The following ZC2HC1A variants were observed in gnomAD, a reference collection of about 807,000 sequenced individuals.
The protein encoded by ZC2HC1A is zinc finger C2HC-type containing 1A.
In ZC2HC1A, 28 loss-of-function variants were observed where a neutral mutation model predicts 40.7. That is an observed-to-expected ratio of 0.69 (90% CI 0.51 to 0.94). The LOEUF is 0.94. Among genes scored for constraint, ZC2HC1A ranks in the 40% least tolerant of loss-of-function variants. The pLI, the probability that ZC2HC1A is intolerant of heterozygous loss-of-function variation, is 0.00. For missense variants in ZC2HC1A, 389 were observed against 386.3 expected, an observed-to-expected ratio of 1.01 and a Z score of -0.06; for synonymous variants, 129 against 129.2, an observed-to-expected ratio of 1.00 and a Z score of 0.01.
Position 78,675,818 on chromosome 8 carries a change from G to T in ZC2HC1A, c.48G>T (p.Leu16Phe), listed in dbSNP as rs1194178239. 1 of 1,609,960 alleles carries T rather than the reference G, an allele frequency of 6.2e-7. No homozygotes were observed. The highest frequency in any genetic ancestry group is 1.1e-5 in the South Asian group (1 of 90,730). The change falls in exon 2 of 9, where the codon TTG becomes TTT. Residue 16 changes from leucine to phenylalanine, a missense_variant. Physicochemically the swap from Leu to Phe is conservative, Grantham distance 22 (BLOSUM62 0). Transcript: ENST00000263849. ...GAGGTGTTGTCCAAGTTGGAGAATT[G>T]TTACCTTGCAAGATTTGTGGAAGAA... is the stretch of plus-strand genomic sequence containing the variant. The part of the protein sequence containing the change: ...ENGGVVQVGE[L>F]LPCKICGRTF...
At chr8:78,681,977 G>A (rs1258228476) in intron 3 of ZC2HC1A, among the ~76,000 whole-genome samples, 1 of 150,234 alleles carries the variant, frequency 6.7e-6, no homozygotes, top group Non-Finnish European at 1.5e-5. Flanking sequence ...CCTGGCCTCA[G>A]GTGATTTCTG....
At chr8:78,684,456 C>T (rs1026902450) in intron 3 of ZC2HC1A, among the ~76,000 whole-genome samples, 20 of 152,140 alleles carry the variant, frequency 1.3e-4, no homozygotes, top group African/African-American at 3.9e-4. Flanking sequence ...CCCCGTGATT[C>T]AATTACCTCC....
chr8:78,713,773 T>C (rs2130610481), intron 7 of ZC2HC1A, among the ~76,000 whole-genome samples: 1 of 152,320 alleles, frequency 6.6e-6, no homozygotes, highest in Non-Finnish European at 1.5e-5. Context: ...ACAGCCCACT[T>C]AAGTTCAAGT....
chr8:78,686,658 A>T (rs1011980050), intron 4 of ZC2HC1A, 50 bp downstream of exon 4: 1 of 1,405,022 alleles, frequency 7.1e-7, no homozygotes, highest in African/African-American at 1.5e-5. Context: ...GAAAATAATG[A>T]TAGAGTTTTT....
At chr8:78,716,386 G>T (rs1439348888) in intron 8 of ZC2HC1A, among the ~76,000 whole-genome samples, 4 of 152,144 alleles carry the variant, frequency 2.6e-5, no homozygotes, top group Admixed American at 2.6e-4. Flanking sequence ...GCCTCCCAAA[G>T]TGCTGGGATT....
In ZC2HC1A at chr8:78,689,502, A is replaced by G. The variant is rs776100502; in HGVS notation, c.504+129A>G. The stretch of plus-strand genomic sequence containing the variant: ...TGCTTTTATAGATATATAGTTTTAT[A>G]TATCTATAAAAGTTGTATGCTTTTA... On this transcript the variant is annotated intron_variant, in intron 5 of 8. Transcript: ENST00000263849. 17 of 813,404 alleles carry G rather than the reference A, an allele frequency of 2.1e-5. No homozygotes were observed. In the South Asian group the frequency reaches 4.1e-4, roughly 19 times the overall value. 50.4% of individuals were successfully genotyped at this position (813,404 alleles called of 1,614,324 possible). A position where few individuals can be genotyped will look rare whatever the true frequency, so the allele number is the denominator to read the frequency against.
rs1304551479 is a variant in ZC2HC1A at position 78,718,953 on chromosome 8, CTTAGT to C, written c.*1468_*1472del. 1.3e-5 allele frequency: 2 copies of C among 151,536 alleles called. No homozygotes were observed. Among genetic ancestry groups the C allele is most frequent in the East Asian group, 3.9e-4 (2 of 5,168 alleles). The allele number at this position is 151,536 out of a possible 1,614,324, so 9.4% of individuals were successfully genotyped here. On this transcript the variant is annotated 3_prime_UTR_variant, in exon 9 of 9. Transcript: ENST00000263849. ...TTATAATTTATCTGAAATTTATTAG[CTTAGT>C]TTAGTTTGGGCAGGAGTTACAAACT...
chr8:78,691,040 T>A (rs1206423716), intron 5 of ZC2HC1A, among the ~76,000 whole-genome samples: 1 of 152,162 alleles, frequency 6.6e-6, no homozygotes, highest in Admixed American at 6.5e-5. Flanking sequence ...ACAGTTTTAT[T>A]TTCTTCCCTC....
rs1811180649 is a variant in ZC2HC1A, at chr8:78,718,807, C to A, written c.*1314C>A. On this transcript the variant is annotated 3_prime_UTR_variant, in exon 9 of 9. Coordinates refer to ENST00000263849, the MANE Select transcript of ZC2HC1A (RefSeq NM_016010.3). ...AATTCTGTAGTAATTTCTATTCAATCAAACCTAAGAGAGCTTTGATCTTAC... is the reference window on the plus strand; with the variant it reads ...AATTCTGTAGTAATTTCTATTCAATAAAACCTAAGAGAGCTTTGATCTTAC... 1 of 151,644 alleles carries A rather than the reference C, an allele frequency of 6.6e-6. No individual in the cohort carries two copies. The highest frequency in any genetic ancestry group is 1.5e-5 in the Non-Finnish European group (1 of 67,694). The allele number at this position is 151,644 out of a possible 1,614,324, so 9.4% of individuals were successfully genotyped here. A position where few individuals can be genotyped will look rare whatever the true frequency, so the allele number is the denominator to read the frequency against.
At chr8:78,674,240 T>A (rs1013860621) in intron 1 of ZC2HC1A, among the ~76,000 whole-genome samples, 1 of 152,202 alleles carries the variant, frequency 6.6e-6, no homozygotes, top group African/African-American at 2.4e-5. Context: ...CAATAGTTAA[T>A]TTTTATAAGA....
intron 3 of ZC2HC1A, among the ~76,000 whole-genome samples, chr8:78,684,065 C>G (rs994057551): frequency 7.2e-5 from 11 of 152,230 alleles, no homozygotes; most frequent in Admixed American, 7.2e-4. Context: ...CCAAACTTTC[C>G]CACATTTTTC....
At chr8:78,685,902 G>C (rs1435684499) in intron 3 of ZC2HC1A, 1 of 152,332 alleles carries the variant, frequency 6.6e-6, no homozygotes, top group African/African-American at 2.4e-5. Flanking sequence ...TCTGGAGGTT[G>C]GGAAGTCCAG....
chr8:78,671,395 T>G (rs1809434258), intron 1 of ZC2HC1A, among the ~76,000 whole-genome samples: 1 of 152,190 alleles, frequency 6.6e-6, no homozygotes, highest in African/African-American at 2.4e-5. Context: ...AGTGCTTATT[T>G]CAACAGTATT....
Position 78,698,133 on chromosome 8 carries a change from G to A in ZC2HC1A, c.605-281G>A, listed in dbSNP as rs553400726. Among the ~76,000 whole-genome samples, 8 of 152,182 alleles carry A rather than the reference G, an allele frequency of 5.3e-5. 1 individual carries two copies. In the South Asian group the frequency reaches 1.7e-3, roughly 32 times the overall value. ...AGCTCTTCATAGCTTTCTGAACTGG[G>A]CAATTGTTCGTAGTAGTCAAACACT... On this transcript the variant is annotated intron_variant, in intron 6 of 8. Transcript: ENST00000263849.
chr8:78,677,516 A>G (rs1440923318), intron 2 of ZC2HC1A, among the ~76,000 whole-genome samples: 1 of 152,178 alleles, frequency 6.6e-6, no homozygotes, highest in African/African-American at 2.4e-5. Flanking sequence ...TTAACTTTAT[A>G]TTAGCATATT....
intron 5 of ZC2HC1A, among the ~76,000 whole-genome samples, chr8:78,692,620 A>G (rs1256156529): frequency 1.3e-5 from 2 of 152,120 alleles, no homozygotes; most frequent in Non-Finnish European, 2.9e-5. Context: ...TCCAGGGTGT[A>G]CAGTGTAGGT....
At chr8:78,711,997 G>A (rs1442092378) in intron 7 of ZC2HC1A, 5 of 1,289,198 alleles carry the variant, frequency 3.9e-6, no homozygotes, top group Non-Finnish European at 5.1e-6. Flanking sequence ...TAGTAATATG[G>A]ACAAGTTAGG....
At chr8:78,679,098 T>G (rs1355411697) in intron 3 of ZC2HC1A, 1 of 152,462 alleles carries the variant, frequency 6.6e-6, no homozygotes, top group Non-Finnish European at 1.5e-5. Flanking sequence ...CATTTTAGCA[T>G]AATAGATACT....
intron 7 of ZC2HC1A, among the ~76,000 whole-genome samples, chr8:78,704,004 C>A (rs185897335): frequency 1.1e-4 from 16 of 152,236 alleles, no homozygotes; most frequent in Admixed American, 3.9e-4. Context: ...ACAGCATTTG[C>A]TGGTCTGAAA....
Sources: allele counts gnomAD v4.1 joint callset (sites outside exome capture counted in the v4.1 genomes callset), GRCh38; gene constraint gnomAD v4.1.1; transcripts MANE v1.5; gene names NCBI Gene and HGNC (gene_info 2026-07-23, HGNC 2026-07-21).